DIAPH2: variants seen among roughly 807,000 people sequenced by gnomAD.
The protein encoded by DIAPH2 is diaphanous related formin 2.
Under a neutral mutation model 92.7 loss-of-function variants are expected in DIAPH2, and 35 were observed. That is an observed-to-expected ratio of 0.38 (90% confidence interval 0.29 to 0.50). DIAPH2 has a LOEUF of 0.50. Ranked by LOEUF, DIAPH2 falls within the 20% of genes least tolerant of loss-of-function variation. DIAPH2 has a pLI of 0.94. For synonymous variants in DIAPH2, 301 were observed against 280.4 expected, an observed-to-expected ratio of 1.07 and a Z score of -0.73; for missense variants, 701 against 819.5, an observed-to-expected ratio of 0.86 and a Z score of 1.77.
chrX:97,552,068 C>T (rs764685619), intron 26 of DIAPH2, among the ~76,000 whole-genome samples: 105 of 111,616 alleles, frequency 9.4e-4, no homozygotes, highest in African/African-American at 3.2e-3. Context: ...TAAGACTCTG[C>T]GAGCCTTAGG....
chrX:97,471,690 CAAAAAAAA>C (rs34891772), intron 26 of DIAPH2, among the ~76,000 whole-genome samples: 14 of 44,947 alleles, frequency 3.1e-4, no homozygotes, highest in East Asian at 2.1e-3. Flanking sequence ...AAATCCGTCT[CAAAAAAAA>C]AAAAAAAAAA....
At chrX:97,391,674 C>CT (rs200395285) in intron 25 of DIAPH2, among the ~76,000 whole-genome samples, 276 of 106,911 alleles carry the variant, frequency 2.6e-3, no homozygotes, top group African/African-American at 7.2e-3. Flanking sequence ...CTCCCCCAAC[C>CT]TTTTTTTTTT....
intron 1 of DIAPH2, among the ~76,000 whole-genome samples, chrX:96,688,147 C>T (rs773989626): frequency 3.6e-4 from 40 of 111,748 alleles, no homozygotes; most frequent in African/African-American, 1.2e-3. Flanking sequence ...GAACACCGCA[C>T]CCCACACCAC....
At chrX:97,112,765 CTTTTTTTTTTTTTTTTTT>C (rs60721723) in intron 20 of DIAPH2, among the ~76,000 whole-genome samples, 1 of 37,245 alleles carries the variant, frequency 2.7e-5, no homozygotes, top group South Asian at 3.3e-3. Context: ...CCCTTTCTTT[CTTTTTTTTTTTTTTTTTT>C]TTTTTTTTTT....
intron 22 of DIAPH2, among the ~76,000 whole-genome samples, chrX:97,225,387 C>T (rs180775664): frequency 1.2e-3 from 131 of 111,612 alleles, no homozygotes; most frequent in African/African-American, 4.2e-3. Flanking sequence ...AGATACCCAA[C>T]TGGAGCCTAA....
intron 4 of DIAPH2, among the ~76,000 whole-genome samples, chrX:96,836,371 A>T (rs1386032413): frequency 1.8e-5 from 2 of 109,517 alleles, no homozygotes; most frequent in Non-Finnish European, 3.8e-5. Flanking sequence ...CTGTTTGGTT[A>T]TAGAATGAAT....
chrX:96,949,056 T>G lies in DIAPH2; in HGVS notation c.1614+17T>G. 9.3e-7 allele frequency: 1 copy of G among 1,080,734 alleles called. No individual in the cohort carries two copies. Among genetic ancestry groups the G allele is most frequent in the Non-Finnish European group, 1.3e-6 (1 of 788,739 alleles). The allele number at this position is 1,080,734 out of a possible 1,213,427, so 89.1% of individuals were successfully genotyped here. On this transcript the variant is annotated intron_variant, in intron 15 of 26. Transcript: ENST00000324765. ...CGAACCCAGGTAATGAAAGAAGATATAGACTTTGTGTCATGTCACAATGAG... is the reference window on the plus strand; with the variant it reads ...CGAACCCAGGTAATGAAAGAAGATAGAGACTTTGTGTCATGTCACAATGAG...
At chrX:97,463,667 C>G (rs925118518) in intron 26 of DIAPH2, among the ~76,000 whole-genome samples, 3 of 111,258 alleles carry the variant, frequency 2.7e-5, no homozygotes, top group African/African-American at 9.8e-5. Context: ...TGGGATTATG[C>G]TCCCGGCCTC....
chrX:97,005,190 C>T (rs1171822590), intron 17 of DIAPH2, among the ~76,000 whole-genome samples: 2 of 111,546 alleles, frequency 1.8e-5, no homozygotes, highest in African/African-American at 6.5e-5. Flanking sequence ...TTGTTGAATT[C>T]GGTTTGCTGT....
At chrX:96,733,646 C>T (rs921357316) in intron 1 of DIAPH2, among the ~76,000 whole-genome samples, 1 of 111,726 alleles carries the variant, frequency 9.0e-6, no homozygotes, top group Non-Finnish European at 1.9e-5. Flanking sequence ...ATCACTTTGT[C>T]AGCTGTGTTC....
chrX:97,163,008 A>C (rs2067385418), intron 22 of DIAPH2, among the ~76,000 whole-genome samples: 1 of 110,839 alleles, frequency 9.0e-6, no homozygotes, highest in Admixed American at 9.6e-5. Context: ...TGTTCATCTG[A>C]TTCGCAATTT....
intron 23 of DIAPH2, among the ~76,000 whole-genome samples, chrX:97,321,476 A>G (rs1406591929): frequency 9.1e-6 from 1 of 109,614 alleles, no homozygotes; most frequent in African/African-American, 3.3e-5. Context: ...ATTCAGATTT[A>G]CATATATACA....
In DIAPH2 at chrX:97,005,822, A is replaced by G. The variant is rs139849292; in HGVS notation, c.2050+40615A>G. ...CCAAAGTGCTGGGATTACAGGCGTG[A>G]GCCACCACACCCAATCACTGATTTT... is the stretch of plus-strand genomic sequence containing the variant. On this transcript the variant is annotated intron_variant, in intron 17 of 26. Coordinates refer to ENST00000324765, the MANE Select transcript of DIAPH2 (RefSeq NM_006729.5). Among the ~76,000 whole-genome samples, 732 of 110,857 alleles carry G rather than the reference A, an allele frequency of 6.6e-3. 6 individuals are homozygous for G. The highest frequency in any genetic ancestry group is 0.023 in the African/African-American group (703 of 30,531).
chrX:96,909,715 A>G (rs1164607038), intron 5 of DIAPH2, among the ~76,000 whole-genome samples: 1 of 111,336 alleles, frequency 9.0e-6, no homozygotes, highest in African/African-American at 3.3e-5. Context: ...GCTTGTAATA[A>G]TAGGTCCTGC....
chrX:96,960,527 A>G (rs1268074037), intron 16 of DIAPH2, among the ~76,000 whole-genome samples: 1 of 111,100 alleles, frequency 9.0e-6, no homozygotes, highest in Non-Finnish European at 1.9e-5. Context: ...TCCAAATGTC[A>G]GATCATGTTG....
At chrX:97,077,366 C>T (rs1364676842) in intron 19 of DIAPH2, among the ~76,000 whole-genome samples, 1 of 112,357 alleles carries the variant, frequency 8.9e-6, no homozygotes, top group Admixed American at 9.4e-5. Context: ...GAGCTGTTTA[C>T]CATTTATGTC....
At chrX:96,977,402 C>A (rs1025978178) in intron 17 of DIAPH2, among the ~76,000 whole-genome samples, 1 of 111,581 alleles carries the variant, frequency 9.0e-6, no homozygotes, top group African/African-American at 3.3e-5. Flanking sequence ...TGTCATTAGG[C>A]ATTTGGTAAT....
At chrX:97,276,823 C>A (rs1321247505) in intron 23 of DIAPH2, among the ~76,000 whole-genome samples, 1 of 111,319 alleles carries the variant, frequency 9.0e-6, no homozygotes, top group African/African-American at 3.3e-5. Flanking sequence ...GAGAATTGTA[C>A]CTGATATATA....
chrX:97,088,828 A>T (rs920568188), intron 19 of DIAPH2, among the ~76,000 whole-genome samples: 1 of 112,162 alleles, frequency 8.9e-6, no homozygotes, highest in East Asian at 2.8e-4. Flanking sequence ...TTTCTGTCAT[A>T]GATGACTTTG....
Sources: allele counts gnomAD v4.1 joint callset (sites outside exome capture counted in the v4.1 genomes callset), GRCh38; gene constraint gnomAD v4.1.1; transcripts MANE v1.5; gene names NCBI Gene and HGNC (gene_info 2026-07-23, HGNC 2026-07-21).